The following ATP11A variants were observed in gnomAD, a reference collection of about 807,000 sequenced individuals.
The protein encoded by ATP11A is ATPase phospholipid transporting 11A.
ATP11A carries 81 observed loss-of-function variants against 154.4 expected under a neutral mutation model. The ratio of observed to expected loss-of-function variants is 0.52; its 90% confidence interval spans 0.44 to 0.63. ATP11A has a LOEUF of 0.63. Ranked by LOEUF, ATP11A falls within the 30% of genes least tolerant of loss-of-function variation. The pLI, the probability that ATP11A is intolerant of heterozygous loss-of-function variation, is 0.00. For synonymous variants in ATP11A, 623 were observed against 585.9 expected (o/e 1.06, Z -0.91); for missense variants, 1,316 against 1,474.3 (o/e 0.89, Z 1.76).
intron 1 of ATP11A, among the ~76,000 whole-genome samples, chr13:112,694,944 G>T (rs983451607): frequency 2.0e-5 from 3 of 152,228 alleles, no homozygotes; most frequent in African/African-American, 7.2e-5. Flanking sequence ...CTATTTATAT[G>T]CATGCATACA....
chr13:112,697,976 G>T lies in ATP11A; in HGVS notation c.39+7521G>T, dbSNP rs568384515. ...GGCATGCAGGACCTTTGCTTTCCAG[G>T]CAGGCATTTCCCAATTTTGTTAGAT... On this transcript the variant is annotated intron_variant, in intron 1 of 29. Coordinates refer to ENST00000375645, the MANE Select transcript of ATP11A (RefSeq NM_015205.3). This position sits in a 1 kb window ranked among gnomAD's most constrained non-coding sequence, Gnocchi z 4.0. Among the ~76,000 whole-genome samples, 2 of 152,214 alleles carry T rather than the reference G, an allele frequency of 1.3e-5. No homozygotes were observed. Among genetic ancestry groups the T allele is most frequent in the African/African-American group, 4.8e-5 (2 of 41,524 alleles).
intron 25 of ATP11A, among the ~76,000 whole-genome samples, chr13:112,865,120 G>A (rs867603536): frequency 1.7e-4 from 17 of 99,506 alleles, no homozygotes; most frequent in African/African-American, 5.4e-4. Context: ...GCTTCCCAGC[G>A]GGGTCCATCA....
Position 112,834,621 on chromosome 13 carries a change from A to G in ATP11A, c.1592A>G (p.Asn531Ser), listed in dbSNP as rs1053399517. The G allele has an allele frequency of 1.6e-5, 26 of 1,613,994 alleles. No homozygotes were observed. The highest frequency in any genetic ancestry group is 4.0e-5 in the African/African-American group (3 of 74,950). ...TTTACCTACCTAAGGCTGAAGGACA[A>G]TTACATGGAGATATTAAACAGGGAG... ...LGFTYLRLKD[N>S]YMEILNRENH... Residue 531 changes from asparagine (N) to serine (S), a missense_variant, in exon 15 of 30, where the codon AAT (asparagine) becomes AGT (serine). By Grantham distance (46) the Asn-to-Ser change is conservative. This residue lies in a region of ATP11A where 876 missense variants were observed against 1,006.8 expected (regional missense o/e 0.87). Transcript: ENST00000375645.
At chr13:112,693,525 G>GCCATACA (rs1342966703) in intron 1 of ATP11A, among the ~76,000 whole-genome samples, 1 of 151,530 alleles carries the variant, frequency 6.6e-6, no homozygotes, top group East Asian at 1.9e-4. Context: ...TGCTGTGGGA[G>GCCATACA]CCATGGGGTA....
intron 1 of ATP11A, among the ~76,000 whole-genome samples, chr13:112,715,193 C>A (rs1024780190): frequency 6.6e-6 from 1 of 152,232 alleles, no homozygotes; most frequent in South Asian, 2.1e-4. Flanking sequence ...TTTTCCTGAC[C>A]GAAAGCTTCT....
intron 1 of ATP11A, among the ~76,000 whole-genome samples, chr13:112,777,890 C>T (rs4551932): frequency 0.1 from 15,315 of 152,230 alleles, 1,071 homozygotes; most frequent in African/African-American, 0.19. Context: ...GTGCCTTTCT[C>T]CCCCAACGCC....
intron 29 of ATP11A, among the ~76,000 whole-genome samples, chr13:112,879,037 C>T (rs1292163247): frequency 3.9e-5 from 6 of 152,232 alleles, no homozygotes; most frequent in Non-Finnish European, 8.8e-5. Context: ...CATTTTTCTG[C>T]GGTGGTGTCC....
At chr13:112,815,941 AAG>A in intron 5 of ATP11A, 140 bp from the exon 6 acceptor site, 2 of 1,181,830 alleles carry the variant, frequency 1.7e-6, no homozygotes, top group South Asian at 1.5e-5. Flanking sequence ...AATGTCTGGC[AAG>A]AGTCTTTTCC....
rs1053244278 is a variant in ATP11A at position 112,806,086 on chromosome 13, C to T, written c.253-127C>T. On this transcript the variant is annotated intron_variant, in intron 3 of 29. Transcript: ENST00000375645. ...CTTGCTATCTCCCGTGGTGGGCAGTCAGGTGCCAGCAAAGGTCTTTAAATA... is the reference window on the plus strand; with the variant it reads ...CTTGCTATCTCCCGTGGTGGGCAGTTAGGTGCCAGCAAAGGTCTTTAAATA... 8 of 637,522 alleles carry T rather than the reference C, an allele frequency of 1.3e-5. No individual in the cohort carries two copies. In the Admixed American group the frequency reaches 2.1e-4, roughly 17 times the overall value. The allele number at this position is 637,522 out of a possible 1,614,324, so 39.5% of individuals were successfully genotyped here.
intron 1 of ATP11A, among the ~76,000 whole-genome samples, chr13:112,760,093 T>C (rs2076930236): frequency 6.6e-6 from 1 of 152,212 alleles, no homozygotes; most frequent in South Asian, 2.1e-4. Flanking sequence ...TGAAGAGCAG[T>C]GTGTCATCCC....
chr13:112,782,702 G>T (rs538031511), intron 1 of ATP11A, among the ~76,000 whole-genome samples: 2 of 152,244 alleles, frequency 1.3e-5, no homozygotes, highest in African/African-American at 4.8e-5. Flanking sequence ...GCCCGTCCTC[G>T]TGGGGAGGGG....
intron 25 of ATP11A, among the ~76,000 whole-genome samples, chr13:112,870,489 C>G (rs962557560): frequency 2.0e-5 from 3 of 152,220 alleles, no homozygotes; most frequent in Non-Finnish European, 4.4e-5. Context: ...AGCAATTCTC[C>G]TGCCTCAGCC....
chr13:112,760,602 A>G (rs1281266650), intron 1 of ATP11A, among the ~76,000 whole-genome samples: 3 of 152,204 alleles, frequency 2.0e-5, no homozygotes, highest in Admixed American at 2.0e-4. Context: ...CAGACATTCA[A>G]TATGCATTCA....
At chr13:112,732,344 A>T (rs147527218) in intron 1 of ATP11A, among the ~76,000 whole-genome samples, 4 of 152,334 alleles carry the variant, frequency 2.6e-5, no homozygotes, top group African/African-American at 7.2e-5. Flanking sequence ...AATGTGTTGT[A>T]GTGGGTGATT....
In ATP11A at chr13:112,710,477, G is replaced by C. The variant is rs572157197; in HGVS notation, c.39+20022G>C. ...TCTCCTGTACCACTGCCCTGGAAGA[G>C]TTCTACCCATGAGGGCCCTTGGAGC... On this transcript the variant is annotated intron_variant, in intron 1 of 29. Coordinates refer to ENST00000375645, the MANE Select transcript of ATP11A (RefSeq NM_015205.3). 3.3e-5 allele frequency among the ~76,000 whole-genome samples: 5 copies of C among 152,328 alleles called. No homozygotes were observed. In the South Asian group the frequency reaches 8.3e-4, roughly 25 times the overall value.
At chr13:112,810,863 A>G in intron 5 of ATP11A, 137 bp downstream of exon 5, 1 of 731,104 alleles carries the variant, frequency 1.4e-6, no homozygotes, top group Non-Finnish European at 2.3e-6. Flanking sequence ...TGAGCCTGGA[A>G]GTCGGAGGCC....
rs547097347 is a variant in ATP11A, at chr13:112,806,357, C to G, written c.333+64C>G. 1.1e-3 allele frequency: 1,406 copies of G among 1,297,716 alleles called. 18 individuals are homozygous for G. The Middle Eastern group carries it at 0.012, about 11-fold the overall frequency. 80.4% of individuals were successfully genotyped at this position (1,297,716 alleles called of 1,614,324 possible). On this transcript the variant is annotated intron_variant, in intron 4 of 29. Coordinates refer to ENST00000375645, the MANE Select transcript of ATP11A (RefSeq NM_015205.3). ...TTCACCATGTGAATTGCCTTTCATT[C>G]AAAGCGAGGTGATTGGTTTGTTGTA...
chr13:112,786,822 G>C (rs2077639887), intron 2 of ATP11A, among the ~76,000 whole-genome samples: 1 of 152,244 alleles, frequency 6.6e-6, no homozygotes, highest in Non-Finnish European at 1.5e-5. Context: ...ATTTACATTG[G>C]GTGTCCTGCC....
intron 6 of ATP11A, among the ~76,000 whole-genome samples, chr13:112,818,759 G>C (rs2078715414): frequency 6.6e-6 from 1 of 152,234 alleles, no homozygotes; most frequent in Non-Finnish European, 1.5e-5. Context: ...GAAACTCTAG[G>C]GCTGAGCCCA....
Sources: allele counts gnomAD v4.1 joint callset (sites outside exome capture counted in the v4.1 genomes callset), GRCh38; gene constraint gnomAD v4.1.1; regional missense constraint gnomAD v4.1.1; non-coding constraint Gnocchi (gnomAD v3.1); transcripts MANE v1.5; gene names NCBI Gene and HGNC (gene_info 2026-07-23, HGNC 2026-07-21).